Variants in ROR1 observed in about 807,000 individuals in gnomAD.
The protein encoded by ROR1 is inactive tyrosine-protein kinase transmembrane receptor ROR1.
In ROR1, 19 loss-of-function variants were observed where a neutral mutation model predicts 78.8. The ratio of observed to expected loss-of-function variants is 0.24; its 90% confidence interval spans 0.17 to 0.35. The LOEUF (loss-of-function observed/expected upper bound fraction) is 0.35, where lower values mean the gene tolerates loss of function less well. ROR1 is among the 10% of genes least tolerant of loss of function. The pLI is 1.00. For synonymous variants in ROR1, 386 were observed against 433.6 expected, an observed-to-expected ratio of 0.89 and a Z score of 1.36; for missense variants, 917 against 1,177.8, an observed-to-expected ratio of 0.78 and a Z score of 3.24.
chr1:64,097,575 G>GTA lies in ROR1; in HGVS notation c.483-39781_483-39780dup, dbSNP rs10632011. 1.2e-3 allele frequency among the ~76,000 whole-genome samples: 173 copies of GTA among 148,946 alleles called. 3 individuals carry two copies. Among genetic ancestry groups the GTA allele is most frequent in the South Asian group, 0.011 (50 of 4,718 alleles). On this transcript the variant is annotated intron_variant, in intron 4 of 8. Transcript: ENST00000371079. The stretch of plus-strand genomic sequence containing the variant: ...CATACATATATACATATTTCATATA[G>GTA]TATATATATATATAAGGCCTTGAGA...
chr1:64,067,444 C>CAAAAAAAAAAAA (rs58105318), intron 4 of ROR1, among the ~76,000 whole-genome samples: 1 of 57,474 alleles, frequency 1.7e-5, no homozygotes, highest in East Asian at 8.8e-4. Context: ...GCCTCCGTCT[C>CAAAAAAAAAAAA]AAAAAAAAAA....
At chr1:63,877,263 C>T (rs1343091942) in intron 1 of ROR1, among the ~76,000 whole-genome samples, 5 of 152,048 alleles carry the variant, frequency 3.3e-5, no homozygotes, top group African/African-American at 7.2e-5. Flanking sequence ...GTGTGGAAGG[C>T]CATAGTGGTT....
At chr1:63,914,964 T>C (rs987928318) in intron 1 of ROR1, among the ~76,000 whole-genome samples, 1 of 152,114 alleles carries the variant, frequency 6.6e-6, no homozygotes. Context: ...CAAGACAATA[T>C]GTGTGAAAGT....
chr1:64,053,807 T>C (rs1280920805), intron 4 of ROR1, among the ~76,000 whole-genome samples: 1 of 152,238 alleles, frequency 6.6e-6, no homozygotes, highest in African/African-American at 2.4e-5. Context: ...AATTCATAGA[T>C]TGTTATATAT....
At chr1:63,809,339 T>C (rs1235256101) in intron 1 of ROR1, among the ~76,000 whole-genome samples, 1 of 152,154 alleles carries the variant, frequency 6.6e-6, no homozygotes, top group African/African-American at 2.4e-5. Context: ...GTGAAGAGTA[T>C]TGGGAACAAA....
At chr1:63,923,724 C>T (rs945308219) in intron 1 of ROR1, among the ~76,000 whole-genome samples, 5 of 151,556 alleles carry the variant, frequency 3.3e-5, no homozygotes, top group East Asian at 3.9e-4. Context: ...ATCATTCATT[C>T]GCTTTTGTAA....
intron 1 of ROR1, among the ~76,000 whole-genome samples, chr1:63,850,925 A>C (rs1361310650): frequency 1.3e-5 from 2 of 152,152 alleles, no homozygotes; most frequent in Non-Finnish European, 1.5e-5. Flanking sequence ...CTTGCTCTCT[A>C]TATCAGCAGA....
At chr1:63,775,430 T>G (rs1344151365) in intron 1 of ROR1, 1 of 152,084 alleles carries the variant, frequency 6.6e-6, no homozygotes, top group Non-Finnish European at 1.5e-5. Flanking sequence ...AGGGGGAAAG[T>G]TGATTAAAGT....
intron 2 of ROR1, among the ~76,000 whole-genome samples, chr1:64,031,263 T>A (rs1215124538): frequency 6.6e-6 from 1 of 152,218 alleles, no homozygotes; most frequent in African/African-American, 2.4e-5. Flanking sequence ...AGAGGCTGTA[T>A]TTTTCAACCA....
chr1:63,799,787 A>G (rs1330889909), intron 1 of ROR1, among the ~76,000 whole-genome samples: 1 of 152,140 alleles, frequency 6.6e-6, no homozygotes, highest in Admixed American at 6.5e-5. Context: ...CAGCACATTG[A>G]GCCTGGCACA....
intron 4 of ROR1, among the ~76,000 whole-genome samples, chr1:64,084,590 AG>A (rs1219410938): frequency 4.6e-5 from 7 of 152,344 alleles, no homozygotes; most frequent in Admixed American, 6.5e-5. Flanking sequence ...AGTCTTAGCC[AG>A]AAGTGGCTCT....
chr1:64,024,705 A>G (rs1646594296), intron 2 of ROR1, among the ~76,000 whole-genome samples: 1 of 152,150 alleles, frequency 6.6e-6, no homozygotes, highest in Non-Finnish European at 1.5e-5. Context: ...CTCTCTGCAT[A>G]TTTACATCCC....
intron 4 of ROR1, among the ~76,000 whole-genome samples, chr1:64,104,263 C>A (rs1205700770): frequency 2.0e-5 from 3 of 152,150 alleles, no homozygotes; most frequent in Admixed American, 6.5e-5. Flanking sequence ...CTTATCCACA[C>A]CCTAGGTGCT....
chr1:63,830,580 A>G (rs941229390), intron 1 of ROR1, among the ~76,000 whole-genome samples: 7 of 152,146 alleles, frequency 4.6e-5, no homozygotes, highest in African/African-American at 1.7e-4. Flanking sequence ...CACCCCCATG[A>G]TCCAATCACC....
chr1:64,162,101 A>G (rs1649960007), intron 8 of ROR1, among the ~76,000 whole-genome samples: 1 of 152,244 alleles, frequency 6.6e-6, no homozygotes, highest in South Asian at 2.1e-4. Flanking sequence ...CAAAATCAAA[A>G]GAATATTTGG....
chr1:64,082,531 T>C (rs1307807233), intron 4 of ROR1, among the ~76,000 whole-genome samples: 3 of 152,144 alleles, frequency 2.0e-5, no homozygotes, highest in African/African-American at 7.2e-5. Flanking sequence ...TTCAAGAAAA[T>C]AACTGCTCTA....
chr1:64,163,582 C>T (rs1221758160), intron 8 of ROR1, among the ~76,000 whole-genome samples: 7 of 152,158 alleles, frequency 4.6e-5, no homozygotes, highest in Admixed American at 4.6e-4. Context: ...GCAAGACTGG[C>T]CCAGCTTTCC....
intron 1 of ROR1, among the ~76,000 whole-genome samples, chr1:63,928,239 A>G (rs1164269450): frequency 6.6e-5 from 10 of 152,142 alleles, no homozygotes; most frequent in African/African-American, 1.9e-4. Flanking sequence ...TCCAACTGCA[A>G]TGAGGGTGGG....
chr1:64,105,267 G>A (rs1489430100), intron 4 of ROR1: 1 of 152,106 alleles, frequency 6.6e-6, no homozygotes, highest in Non-Finnish European at 1.5e-5. Flanking sequence ...CTTTTGAGAA[G>A]TGTCTGTTCA....
Sources: allele counts gnomAD v4.1 joint callset (sites outside exome capture counted in the v4.1 genomes callset), GRCh38; gene constraint gnomAD v4.1.1; transcripts MANE v1.5; gene names NCBI Gene and HGNC (gene_info 2026-07-23, HGNC 2026-07-21).